UBE4B: variants seen among roughly 807,000 people sequenced by gnomAD.
UBE4B encodes the protein ubiquitin conjugation factor E4 B.
Under a neutral mutation model 148.1 loss-of-function variants are expected in UBE4B, and 27 were observed. The observed-to-expected ratio is 0.18, with a 90% CI of 0.13 to 0.25. The LOEUF (loss-of-function observed/expected upper bound fraction) is 0.25. Among genes scored for constraint, UBE4B ranks in the 10% least tolerant of loss-of-function variants. UBE4B has a pLI of 1.00. For missense variants in UBE4B, 1,170 were observed against 1,662.4 expected, an observed-to-expected ratio of 0.70 and a Z score of 5.15; for synonymous variants, 596 against 619.3, an observed-to-expected ratio of 0.96 and a Z score of 0.56.
chr1:10,164,734 C>G (rs1646220954), intron 23 of UBE4B, among the ~76,000 whole-genome samples: 1 of 152,146 alleles, frequency 6.6e-6, no homozygotes, highest in African/African-American at 2.4e-5. Flanking sequence ...CCTGGCTGTT[C>G]CTGCTCATCT....
At chr1:10,049,595 T>TAAA (rs1643989015) in intron 1 of UBE4B, among the ~76,000 whole-genome samples, 1 of 151,360 alleles carries the variant, frequency 6.6e-6, no homozygotes, top group African/African-American at 2.4e-5. Context: ...AAAAAAAAAT[T>TAAA]TTTTTAAATT....
At position 10,123,247 on chromosome 1, in the gene UBE4B, G is replaced by A. The variant is rs570440554; in HGVS notation, c.1554+1171G>A. 7.8e-4 allele frequency among the ~76,000 whole-genome samples: 119 copies of A among 151,946 alleles called. 1 individual carries two copies. Among genetic ancestry groups the A allele is most frequent in the Admixed American group, 1.2e-3 (19 of 15,220 alleles). ...GGAGTTCGAGACCAGCCTGGCCAGC[G>A]TGGTGAAACCCGGTCTCTACTAAAA... On this transcript the variant is annotated intron_variant, in intron 10 of 27. Coordinates refer to ENST00000343090, the MANE Select transcript of UBE4B (RefSeq NM_001105562.3).
At chr1:10,148,779 A>C (rs909109489) in intron 19 of UBE4B, among the ~76,000 whole-genome samples, 4 of 152,000 alleles carry the variant, frequency 2.6e-5, no homozygotes, top group African/African-American at 7.3e-5. Flanking sequence ...GTCTCTATTG[A>C]AAATACAAAA....
At chr1:10,150,461 C>A (rs1474695753) in intron 20 of UBE4B, among the ~76,000 whole-genome samples, 4 of 151,982 alleles carry the variant, frequency 2.6e-5, no homozygotes, top group Non-Finnish European at 2.9e-5. Flanking sequence ...TAGTGATGAT[C>A]TTTTGTGAAG....
intron 2 of UBE4B, among the ~76,000 whole-genome samples, chr1:10,088,251 C>A (rs906914590): frequency 6.6e-6 from 1 of 152,194 alleles, no homozygotes; most frequent in East Asian, 1.9e-4. Flanking sequence ...GAGGAATATT[C>A]TGTCTTGTAA....
intron 2 of UBE4B, among the ~76,000 whole-genome samples, chr1:10,093,761 C>T (rs58953060): frequency 6.6e-6 from 1 of 150,846 alleles, no homozygotes; most frequent in African/African-American, 2.4e-5. Context: ...GTGGGGCGAT[C>T]TTGGCTCACT....
intron 1 of UBE4B, among the ~76,000 whole-genome samples, chr1:10,060,621 T>A (rs1644266006): frequency 6.6e-6 from 1 of 152,186 alleles, no homozygotes; most frequent in Non-Finnish European, 1.5e-5. Flanking sequence ...ATAAAAACCT[T>A]TCTGGGGTTC....
intron 3 of UBE4B, among the ~76,000 whole-genome samples, chr1:10,097,052 A>ATAAAAATAAT (rs1553143705): frequency 5.8e-5 from 8 of 138,516 alleles, no homozygotes; most frequent in African/African-American, 2.1e-4. Flanking sequence ...AAAAAAAAAA[A>ATAAAAATAAT]AATAATAATA....
intron 1 of UBE4B, among the ~76,000 whole-genome samples, chr1:10,043,114 A>T (rs1291378547): frequency 6.6e-6 from 1 of 151,526 alleles, no homozygotes; most frequent in African/African-American, 2.4e-5. Context: ...GGTTCAAGCA[A>T]TTCTCCTGTC....
At chr1:10,111,969 A>G (rs76936218) in intron 7 of UBE4B, among the ~76,000 whole-genome samples, 1 of 152,130 alleles carries the variant, frequency 6.6e-6, no homozygotes, top group Non-Finnish European at 1.5e-5. Flanking sequence ...AAAAAAAAAA[A>G]GAAAGAAAAT....
At chr1:10,116,578 G>A (rs889690928) in intron 7 of UBE4B, among the ~76,000 whole-genome samples, 2 of 152,000 alleles carry the variant, frequency 1.3e-5, no homozygotes, top group Non-Finnish European at 2.9e-5. Flanking sequence ...TATCAAATCC[G>A]TTTGTGAGTT....
At chr1:10,175,759 C>T (rs1277049756) in intron 25 of UBE4B, among the ~76,000 whole-genome samples, 3 of 152,220 alleles carry the variant, frequency 2.0e-5, no homozygotes, top group Admixed American at 2.0e-4. Flanking sequence ...GCTCCCTCCT[C>T]TAACCTACCA....
chr1:10,041,277 C>A (rs980429367), intron 1 of UBE4B, among the ~76,000 whole-genome samples: 3 of 141,282 alleles, frequency 2.1e-5, no homozygotes, highest in South Asian at 4.5e-4. Context: ...AGTTTTCTAT[C>A]GCTTTACTAC....
intron 21 of UBE4B, among the ~76,000 whole-genome samples, chr1:10,157,401 CG>C (rs924521819): frequency 2.6e-5 from 4 of 152,002 alleles, no homozygotes; most frequent in Non-Finnish European, 5.9e-5. Context: ...CACTTGAGCC[CG>C]AGAGGTTGAG....
chr1:10,078,289 G>C (rs886391012), intron 2 of UBE4B, among the ~76,000 whole-genome samples: 1 of 152,154 alleles, frequency 6.6e-6, no homozygotes, highest in African/African-American at 2.4e-5. Flanking sequence ...GATTACAGAT[G>C]TGAGCCACCG....
At chr1:10,047,107 T>G (rs960618967) in intron 1 of UBE4B, among the ~76,000 whole-genome samples, 1 of 152,208 alleles carries the variant, frequency 6.6e-6, no homozygotes, top group Non-Finnish European at 1.5e-5. Context: ...TCTGTGCCCA[T>G]GCTGACCCCT....
rs762500508 is a variant in UBE4B, at chr1:10,178,740, G to A, written c.3622G>A (p.Ala1208Thr). The change falls in exon 26 of 28, where the codon GCC becomes ACC. Residue 1208 changes from alanine (A) to threonine (T), a missense_variant. Around this residue, in one of 6 missense-constraint regions of UBE4B, gnomAD observed 348 missense variants for 627.2 expected, o/e 0.55. Coordinates refer to ENST00000343090, the MANE Select transcript of UBE4B (RefSeq NM_001105562.3). ...TIAIEKFKLL[A>T]EKVEEIVAKN... ...AGCAATAGAAAAATTTAAGCTGCTC[G>A]CCGAGAAAGTGGAGGAGATAGTGGC... 8 of 1,613,744 alleles carry A rather than the reference G, an allele frequency of 5.0e-6. No individual in the cohort carries two copies. The Admixed American group carries it at 5.0e-5, about 10-fold the overall frequency.
chr1:10,097,245 A>C (rs1211522183), intron 3 of UBE4B, among the ~76,000 whole-genome samples: 2 of 152,088 alleles, frequency 1.3e-5, no homozygotes, highest in African/African-American at 4.8e-5. Flanking sequence ...AGATATTTAG[A>C]GATACAGAGG....
intron 1 of UBE4B, among the ~76,000 whole-genome samples, chr1:10,034,024 G>A (rs1193590549): frequency 1.3e-5 from 2 of 152,162 alleles, no homozygotes; most frequent in Non-Finnish European, 2.9e-5. Flanking sequence ...TAAAGTGTGT[G>A]TGTGTCTGTG....
Sources: allele counts gnomAD v4.1 joint callset (sites outside exome capture counted in the v4.1 genomes callset), GRCh38; gene constraint gnomAD v4.1.1; regional missense constraint gnomAD v4.1.1; transcripts MANE v1.5; gene names NCBI Gene and HGNC (gene_info 2026-07-23, HGNC 2026-07-21).